ESR2: variants seen among roughly 807,000 people sequenced by gnomAD.
ESR2 encodes the protein estrogen receptor beta.
A neutral mutation model predicts 49.6 loss-of-function variants in ESR2; 36 were observed. That is an observed-to-expected ratio of 0.73 (90% CI 0.56 to 0.96). The LOEUF (loss-of-function observed/expected upper bound fraction) is 0.96. Ranked by LOEUF, ESR2 falls within the 40% of genes least tolerant of loss-of-function variation. The pLI, the probability that ESR2 is intolerant of heterozygous loss-of-function variation, is 0.00. For synonymous variants in ESR2, 320 were observed against 266.1 expected (o/e 1.20, Z -1.97); for missense variants, 714 against 693.0 (o/e 1.03, Z -0.34).
intron 4 of ESR2, among the ~76,000 whole-genome samples, chr14:64,261,837 C>T: frequency 6.6e-6 from 1 of 150,816 alleles, no homozygotes; most frequent in East Asian, 2.0e-4. Flanking sequence ...CTGCAGCCTT[C>T]ATCTCCTGGA....
At chr14:64,285,414 T>G (rs913174781) in intron 1 of ESR2, among the ~76,000 whole-genome samples, 3 of 152,184 alleles carry the variant, frequency 2.0e-5, no homozygotes, top group African/African-American at 7.2e-5. Flanking sequence ...AACTGCATTG[T>G]GAGGTGGTTG....
intron 1 of ESR2, among the ~76,000 whole-genome samples, chr14:64,300,783 A>G (rs1369986082): frequency 6.6e-6 from 1 of 152,100 alleles, no homozygotes; most frequent in Non-Finnish European, 1.5e-5. Context: ...GACACTCAGC[A>G]TTACATTTAT....
chr14:64,228,157 A>G (rs1290752345), downstream of ESR2: 4 of 908,086 alleles, frequency 4.4e-6, no homozygotes, highest in Admixed American at 1.6e-4. Flanking sequence ...AATTGTACTC[A>G]AGCATTTGTG....
chr14:64,333,565 A>G (rs1413631130), intron 1 of ESR2, among the ~76,000 whole-genome samples: 1 of 152,214 alleles, frequency 6.6e-6, no homozygotes, highest in Admixed American at 6.5e-5. Context: ...AGTTTAATGG[A>G]CTCACAGTTC....
chr14:64,271,130 G>A (rs2076437777), intron 3 of ESR2, among the ~76,000 whole-genome samples: 1 of 151,026 alleles, frequency 6.6e-6, no homozygotes, highest in African/African-American at 2.4e-5. Context: ...TTCCGAGACA[G>A]GGTCTCCCTC....
chr14:64,336,989 C>A (rs1192478743), intron 1 of ESR2, among the ~76,000 whole-genome samples: 1 of 152,136 alleles, frequency 6.6e-6, no homozygotes, highest in Admixed American at 6.6e-5. Context: ...CTATATATTT[C>A]TTTACTTGAT....
At chr14:64,294,898 G>A (rs972267063), upstream of ESR2, among the ~76,000 whole-genome samples, 1 of 152,216 alleles carries the variant, frequency 6.6e-6, no homozygotes, top group Admixed American at 6.5e-5. Context: ...TTTCGCGTTA[G>A]ATCAAAGATC....
intron 3 of ESR2, among the ~76,000 whole-genome samples, chr14:64,273,732 T>C (rs2076496672): frequency 6.6e-6 from 1 of 152,228 alleles, no homozygotes; most frequent in Admixed American, 6.5e-5. Context: ...TCAATATTCA[T>C]TGGGGATATT....
downstream of ESR2, chr14:64,228,100 T>C (rs550058529): frequency 1.1e-5 from 15 of 1,327,002 alleles, no homozygotes; most frequent in African/African-American, 2.0e-4. Flanking sequence ...GATGAAATTG[T>C]TCTTTTTAAG....
chr14:64,329,713 G>A (rs1272791259), intron 1 of ESR2: 1 of 152,126 alleles, frequency 6.6e-6, no homozygotes, highest in Non-Finnish European at 1.5e-5. Context: ...TACATATTTG[G>A]ATCTTGCTTT....
chr14:64,264,557 C>T (rs2076286782), intron 4 of ESR2, among the ~76,000 whole-genome samples: 1 of 152,036 alleles, frequency 6.6e-6, no homozygotes, highest in African/African-American at 2.4e-5. Context: ...CGGTTTGCTG[C>T]AAAATGTATA....
At chr14:64,316,689 G>T (rs963442103) in intron 1 of ESR2, among the ~76,000 whole-genome samples, 6 of 151,870 alleles carry the variant, frequency 4.0e-5, no homozygotes, top group African/African-American at 1.5e-4. Flanking sequence ...CGCACCTGTG[G>T]TACCAGCTAC....
At chr14:64,292,020 C>T (rs139703036) in intron 1 of ESR2, among the ~76,000 whole-genome samples, 26 of 152,020 alleles carry the variant, frequency 1.7e-4, no homozygotes, top group African/African-American at 5.1e-4. Flanking sequence ...ATGATATATG[C>T]CATAACCAAA....
chr14:64,238,263 G>A (rs1037255395), intron 7 of ESR2, among the ~76,000 whole-genome samples: 4 of 152,128 alleles, frequency 2.6e-5, no homozygotes, highest in Non-Finnish European at 4.4e-5. Flanking sequence ...GCTCCACCTG[G>A]GGCCCAGAGT....
downstream of ESR2, chr14:64,227,395 A>T: frequency 1.0e-6 from 1 of 959,146 alleles, no homozygotes; most frequent in Non-Finnish European, 1.5e-6. Context: ...GGTGGTTTTT[A>T]ACCACATAAC....
At chr14:64,279,110 T>C (rs2076613287) in intron 3 of ESR2, among the ~76,000 whole-genome samples, 1 of 152,236 alleles carries the variant, frequency 6.6e-6, no homozygotes, top group Non-Finnish European at 1.5e-5. Context: ...TTTCAATCAA[T>C]TGCCAATCAG....
rs770491054 is a variant in ESR2, at chr14:64,233,199, C to T, written c.1531G>A (p.Glu511Lys). The change falls in exon 9 of 9, where the codon GAG becomes AAG. Residue 511 changes from glutamate (E) to lysine (K), a missense_variant. Glu to Lys is a moderately conservative substitution (Grantham distance 56). Coordinates refer to ENST00000341099, the MANE Select transcript of ESR2 (RefSeq NM_001437.3). ...TTACTGTCCTCTGCCGGGCTGCACT[C>T]GGACCCCGTGATGGAGGACTTGCAC... ...RGCKSSITGS[E>K]CSPAEDSKSK... 4.3e-6 allele frequency: 7 copies of T among 1,614,060 alleles called. No individual in the cohort carries two copies. The highest frequency in any genetic ancestry group is 4.5e-5 in the East Asian group (2 of 44,904).
chr14:64,314,664 G>A (rs1447657436), intron 1 of ESR2, among the ~76,000 whole-genome samples: 2 of 151,582 alleles, frequency 1.3e-5, no homozygotes, highest in African/African-American at 2.4e-5. Flanking sequence ...GATCACCTGA[G>A]GTCAGGAGTT....
chr14:64,292,566 G>A (rs1314864365), intron 1 of ESR2, among the ~76,000 whole-genome samples: 2 of 152,068 alleles, frequency 1.3e-5, no homozygotes, highest in Non-Finnish European at 2.9e-5. Context: ...CAATTCTCAA[G>A]GTTTCTAGAT....
Sources: allele counts gnomAD v4.1 joint callset (sites outside exome capture counted in the v4.1 genomes callset), GRCh38; gene constraint gnomAD v4.1.1; transcripts MANE v1.5; gene names NCBI Gene and HGNC (gene_info 2026-07-23, HGNC 2026-07-21).